The following SIRPB2 variants were observed in gnomAD, a reference collection of about 807,000 sequenced individuals.
The protein encoded by SIRPB2 is signal regulatory protein beta 2.
SIRPB2 carries 18 observed loss-of-function variants against 27.1 expected under a neutral mutation model. That is an observed-to-expected ratio of 0.66 (90% CI 0.46 to 0.98). The LOEUF (loss-of-function observed/expected upper bound fraction) is 0.98. Among genes scored for constraint, SIRPB2 ranks in the 50% least tolerant of loss-of-function variants. SIRPB2 has a pLI of 0.00. For missense variants in SIRPB2, 420 were observed against 417.4 expected, an observed-to-expected ratio of 1.01 and a Z score of -0.06; for synonymous variants, 150 against 164.6, an observed-to-expected ratio of 0.91 and a Z score of 0.68.
At chr20:1,489,507 G>C (rs1252613015) in intron 1 of SIRPB2, among the ~76,000 whole-genome samples, 1 of 152,142 alleles carries the variant, frequency 6.6e-6, no homozygotes, top group East Asian at 1.9e-4. Flanking sequence ...TGAACACCAG[G>C]GAAGAAGCTG....
In SIRPB2 at chr20:1,479,429, G is replaced by C; in HGVS notation, c.451+271C>G. ...CATAATGTGAGTAGATGCTTGAGGT[G>C]TACTTGAAGAGTTGGGACTGGGCTT... On this transcript the variant is annotated intron_variant, in intron 2 of 4. Transcript: ENST00000359801. The C allele has an allele frequency of 4.0e-6, 2 of 500,900 alleles. 1 individual carries two copies. Among genetic ancestry groups the C allele is most frequent in the Non-Finnish European group, 7.2e-6 (2 of 276,292 alleles). The allele number at this position is 500,900 out of a possible 1,614,324, so 31.0% of individuals were successfully genotyped here. A position where few individuals can be genotyped will look rare whatever the true frequency, so the allele number is the denominator to read the frequency against.
rs1334818678 is a variant in SIRPB2 at position 1,475,067 on chromosome 20, G to A, written c.*1100C>T. The A allele has an allele frequency of 7.3e-6, 1 of 136,906 alleles. No homozygotes were observed. The highest frequency in any genetic ancestry group is 3.3e-5 in the African/African-American group (1 of 30,126). 8.5% of individuals were successfully genotyped at this position (136,906 alleles called of 1,614,324 possible). ...AGGGCTTCTCAGTCCACTAGATGGTGGTAGCACCCCCCCAGGTTGTGCCAA... is the reference window on the plus strand; with the variant it reads ...AGGGCTTCTCAGTCCACTAGATGGTAGTAGCACCCCCCCAGGTTGTGCCAA... On this transcript the variant is annotated 3_prime_UTR_variant, in exon 5 of 5. Coordinates refer to ENST00000359801, the MANE Select transcript of SIRPB2 (RefSeq NM_001122962.2).
At chr20:1,480,650 G>A (rs186439080) in intron 1 of SIRPB2, among the ~76,000 whole-genome samples, 5 of 152,280 alleles carry the variant, frequency 3.3e-5, no homozygotes, top group East Asian at 3.9e-4. Flanking sequence ...GAAGGTGGCC[G>A]TCTATAGGCT....
intron 1 of SIRPB2, among the ~76,000 whole-genome samples, chr20:1,488,298 G>C (rs565389223): frequency 6.6e-6 from 1 of 152,238 alleles, no homozygotes; most frequent in South Asian, 2.1e-4. Context: ...CAAAAAGGAT[G>C]CATGATGTAA....
At chr20:1,476,400 T>G (rs6042499) in intron 4 of SIRPB2, 64 bp from the exon 5 acceptor site, 528,326 of 1,505,548 alleles carry the variant, frequency 0.35, 100,702 homozygotes, top group East Asian at 0.7. Context: ...CCACGCCTCA[T>G]TGCTGCCCAT....
In SIRPB2 at chr20:1,476,013, G is replaced by C; in HGVS notation, c.*154C>G. The stretch of plus-strand genomic sequence containing the variant: ...AGAGGGAAGCCCGGTGCAAAGAAGG[G>C]AATTTCACTAGGTGGACCAAAACCA... On this transcript the variant is annotated 3_prime_UTR_variant, in exon 5 of 5. Transcript: ENST00000359801. 1.3e-6 allele frequency: 1 copy of C among 790,880 alleles called. No individual in the cohort carries two copies. Among genetic ancestry groups the C allele is most frequent in the Non-Finnish European group, 2.0e-6 (1 of 501,840 alleles). The allele number at this position is 790,880 out of a possible 1,614,324, so 49.0% of individuals were successfully genotyped here. A position where few individuals can be genotyped will look rare whatever the true frequency, so the allele number is the denominator to read the frequency against.
intron 1 of SIRPB2, among the ~76,000 whole-genome samples, chr20:1,483,220 C>T (rs541520926): frequency 6.6e-6 from 1 of 152,080 alleles, no homozygotes; most frequent in South Asian, 2.1e-4. Context: ...GATTCTCCTG[C>T]CTCAGGCTCC....
chr20:1,473,902 C>A (rs2090590286), downstream of SIRPB2: 2 of 455,772 alleles, frequency 4.4e-6, no homozygotes. Flanking sequence ...AATTTATTTT[C>A]TCATATTTCT....
intron 2 of SIRPB2, chr20:1,479,149 T>G (rs528171491): frequency 6.1e-6 from 1 of 163,770 alleles, no homozygotes; most frequent in Admixed American, 5.6e-5. Context: ...GTAACTGACT[T>G]AAGAAGGAAC....
intron 1 of SIRPB2, 101 bp from the exon 2 acceptor site, chr20:1,480,166 G>A: frequency 7.0e-7 from 1 of 1,429,008 alleles, no homozygotes; most frequent in Non-Finnish European, 9.2e-7. Flanking sequence ...AAGAACAATG[G>A]CCCAGGATAA....
At chr20:1,474,417 G>C (rs2090591942), downstream of SIRPB2, among the ~76,000 whole-genome samples, 1 of 152,088 alleles carries the variant, frequency 6.6e-6, no homozygotes, top group Non-Finnish European at 1.5e-5. Context: ...CTGTTTTTCT[G>C]TTTGTGGTAA....
rs369519331 is a variant in SIRPB2 at position 1,477,332 on chromosome 20, G to A, written c.859+6C>T. Reference sequence around the variant, plus strand: ...TCATTGACTCCACTGAGGTGGGTACGCTCACCTGTTGGAGACATCTCAGTT... The same window carrying A: ...TCATTGACTCCACTGAGGTGGGTACACTCACCTGTTGGAGACATCTCAGTT... On this transcript the variant is annotated splice_donor_region_variant and intron_variant, in intron 4 of 4. Transcript: ENST00000359801. The A allele has an allele frequency of 3.9e-5, 63 of 1,614,068 alleles. No homozygotes were observed. Among genetic ancestry groups the A allele is most frequent in the South Asian group, 2.6e-4 (24 of 91,090 alleles).
chr20:1,471,407 T>C (rs1235371236), downstream of SIRPB2, among the ~76,000 whole-genome samples: 1 of 152,228 alleles, frequency 6.6e-6, no homozygotes. Flanking sequence ...ATCACAAATG[T>C]AATATGTTAA....
In SIRPB2 at chr20:1,475,908, G is replaced by C. The variant is rs1403418294; in HGVS notation, c.*259C>G. On this transcript the variant is annotated 3_prime_UTR_variant, in exon 5 of 5. Coordinates refer to ENST00000359801, the MANE Select transcript of SIRPB2 (RefSeq NM_001122962.2). ...CCAGAAAGGGCTGCAGCAGGGGCAAGGGTGTTGAGGAGAGACTGAGCCAGG... is the reference window on the plus strand; with the variant it reads ...CCAGAAAGGGCTGCAGCAGGGGCAACGGTGTTGAGGAGAGACTGAGCCAGG... 9.6e-6 allele frequency: 4 copies of C among 414,624 alleles called. No homozygotes were observed. The highest frequency in any genetic ancestry group is 1.7e-5 in the Non-Finnish European group (4 of 231,020). The allele number at this position is 414,624 out of a possible 1,614,324, so 25.7% of individuals were successfully genotyped here. A position where few individuals can be genotyped will look rare whatever the true frequency, so the allele number is the denominator to read the frequency against.
At chr20:1,476,993 C>G (rs895454347) in intron 4 of SIRPB2, 1 of 1,244,596 alleles carries the variant, frequency 8.0e-7, no homozygotes, top group South Asian at 1.5e-5. Flanking sequence ...TAGGAAGGGG[C>G]TCCATCCAGG....
At chr20:1,477,003 G>A in intron 4 of SIRPB2, 2 of 1,263,510 alleles carry the variant, frequency 1.6e-6, no homozygotes, top group Non-Finnish European at 2.0e-6. Flanking sequence ...CTCCATCCAG[G>A]AGGCTTAGCT....
downstream of SIRPB2, chr20:1,472,815 G>A (rs972603778): frequency 6.6e-6 from 1 of 152,062 alleles, no homozygotes; most frequent in Non-Finnish European, 1.5e-5. Context: ...GCGTTTACGG[G>A]GTCTAATACA....
chr20:1,476,947 T>C (rs1555798298), intron 4 of SIRPB2: 2 of 1,196,264 alleles, frequency 1.7e-6, no homozygotes, highest in Non-Finnish European at 2.1e-6. Context: ...TAGAGTCAGA[T>C]ACCAGACTCA....
intron 1 of SIRPB2, among the ~76,000 whole-genome samples, chr20:1,489,038 T>C (rs547537196): frequency 3.3e-5 from 5 of 152,332 alleles, no homozygotes; most frequent in African/African-American, 9.6e-5. Context: ...AAATGAACTA[T>C]TGACATATGC....
Sources: gnomAD v4.1 joint callset for allele counts (sites outside exome capture counted in the v4.1 genomes callset) on GRCh38, gnomAD v4.1.1 for gene constraint, MANE v1.5 for transcripts, NCBI Gene and HGNC (gene_info 2026-07-23, HGNC 2026-07-21) for gene names.